Variants in USH2A observed in about 807,000 individuals in gnomAD.
The protein encoded by USH2A is usherin.
A neutral mutation model predicts 538.9 loss-of-function variants in USH2A; 443 were observed. That is an observed-to-expected ratio of 0.82 (90% CI 0.76 to 0.89). The LOEUF is 0.89. USH2A is among the 40% of genes least tolerant of loss of function. The pLI, the probability that USH2A is intolerant of heterozygous loss-of-function variation, is 0.00. For synonymous variants in USH2A, 2,413 were observed against 2,273.5 expected (o/e 1.06, Z -1.75); for missense variants, 6,633 against 6,324.8 (o/e 1.05, Z -1.65).
intron 3 of USH2A, among the ~76,000 whole-genome samples, chr1:216,381,253 G>C (rs2038917414): frequency 6.6e-6 from 1 of 152,024 alleles, no homozygotes; most frequent in South Asian, 2.1e-4. Flanking sequence ...AAACCACAAA[G>C]TACATGATTT....
chr1:215,962,703 T>C (rs1667232871), intron 37 of USH2A, among the ~76,000 whole-genome samples: 2 of 152,088 alleles, frequency 1.3e-5, no homozygotes, highest in Admixed American at 1.3e-4. Flanking sequence ...TCTAGAAGGA[T>C]ATAAGAAGCT....
At chr1:215,963,632 T>C (rs534631440) in intron 37 of USH2A, among the ~76,000 whole-genome samples, 65 of 152,268 alleles carry the variant, frequency 4.3e-4, no homozygotes, top group African/African-American at 1.5e-3. Context: ...CTGGTTTTCG[T>C]TGCTGAAGAA....
intron 61 of USH2A, among the ~76,000 whole-genome samples, chr1:215,718,538 A>T (rs1659552641): frequency 6.6e-6 from 1 of 152,190 alleles, no homozygotes; most frequent in African/African-American, 2.4e-5. Flanking sequence ...GATCACAGCT[A>T]ACCTCTTGCT....
At chr1:216,030,256 T>G (rs1412095123) in intron 32 of USH2A, among the ~76,000 whole-genome samples, 1 of 138,652 alleles carries the variant, frequency 7.2e-6, no homozygotes, top group Non-Finnish European at 1.5e-5. Context: ...ATATATAATA[T>G]ATATGATATA....
chr1:215,951,178 C>A (rs1666903964), intron 37 of USH2A, among the ~76,000 whole-genome samples: 1 of 152,122 alleles, frequency 6.6e-6, no homozygotes, highest in South Asian at 2.1e-4. Context: ...CCTGCTTTCT[C>A]TTGTGGGCAT....
chr1:215,821,566 A>G (rs1281484474), intron 47 of USH2A, among the ~76,000 whole-genome samples: 2 of 151,688 alleles, frequency 1.3e-5, no homozygotes, highest in Non-Finnish European at 3.0e-5. Context: ...TGGCATGTCT[A>G]TTCACTTTGT....
At chr1:215,643,766 G>T (rs1054535444) in intron 67 of USH2A, among the ~76,000 whole-genome samples, 2 of 152,050 alleles carry the variant, frequency 1.3e-5, no homozygotes, top group African/African-American at 4.8e-5. Flanking sequence ...TTAGCCTCAA[G>T]CAATCCTCCC....
At chr1:215,825,201 C>G (rs1425952276) in intron 47 of USH2A, among the ~76,000 whole-genome samples, 1 of 152,128 alleles carries the variant, frequency 6.6e-6, no homozygotes, top group Non-Finnish European at 1.5e-5. Flanking sequence ...GTGCCACCCC[C>G]ACAGTTGTCA....
At chr1:216,140,580 G>GT (rs2033583647) in intron 21 of USH2A, among the ~76,000 whole-genome samples, 1 of 152,112 alleles carries the variant, frequency 6.6e-6, no homozygotes, top group African/African-American at 2.4e-5. Flanking sequence ...CATGTTTTGA[G>GT]TTCTGAGATA....
At position 216,400,216 on chromosome 1, in the gene USH2A, T is replaced by TTATA. The variant is rs71161422; in HGVS notation, c.651+18294_651+18297dup. Among the ~76,000 whole-genome samples, 896 of 147,290 alleles carry TTATA rather than the reference T, an allele frequency of 6.1e-3. 11 individuals carry two copies. The highest frequency in any genetic ancestry group is 0.018 in the Admixed American group (272 of 14,776). ...AGAAACCCCAGCATAGAAATAGAAGTTATATATATATATATATATATAAAA... is the reference window on the plus strand; with the variant it reads ...AGAAACCCCAGCATAGAAATAGAAGTTATATATATATATATATATATATATAAAA... On this transcript the variant is annotated intron_variant, in intron 3 of 71. Transcript: ENST00000307340.
intron 21 of USH2A, among the ~76,000 whole-genome samples, chr1:216,133,271 T>C (rs975481163): frequency 3.3e-5 from 5 of 152,098 alleles, no homozygotes; most frequent in Admixed American, 2.6e-4. Flanking sequence ...TTTTTAGGCC[T>C]CTGTTCCAGG....
Position 216,292,174 on chromosome 1 carries a change from C to A in USH2A, c.1840+1G>T. On this transcript the variant is annotated splice_donor_variant, in intron 10 of 71. Coordinates refer to ENST00000307340, the MANE Select transcript of USH2A (RefSeq NM_206933.4). LOFTEE classifies it high-confidence loss of function. ...AACTCAGGAATTTATTTGCTACTTA[C>A]CTGTAGTGTTATGCTCACAATCATC... 6.2e-7 allele frequency: 1 copy of A among 1,613,936 alleles called. No individual in the cohort carries two copies. The highest frequency in any genetic ancestry group is 8.5e-7 in the Non-Finnish European group (1 of 1,179,896).
At chr1:216,150,111 A>G (rs962780363) in intron 21 of USH2A, among the ~76,000 whole-genome samples, 1 of 152,068 alleles carries the variant, frequency 6.6e-6, no homozygotes, top group East Asian at 1.9e-4. Flanking sequence ...CCGAGCCCCA[A>G]AAAACTAGTC....
chr1:216,066,713 G>C (rs2031387154), intron 30 of USH2A, among the ~76,000 whole-genome samples: 1 of 152,116 alleles, frequency 6.6e-6, no homozygotes, highest in Non-Finnish European at 1.5e-5. Context: ...GCAAACAGAG[G>C]TTTATTGATT....
Position 215,989,926 on chromosome 1 carries a change from T to C in USH2A, c.6805+3094A>G, listed in dbSNP as rs1558197760. On this transcript the variant is annotated intron_variant, in intron 35 of 71. Transcript: ENST00000307340. ...TGATAACCGAGGCAGTGGAAGATTC[T>C]GATTATTTAGGAGGTCTGTGGTGGA... Among the ~76,000 whole-genome samples, 3 of 152,192 alleles carry C rather than the reference T, an allele frequency of 2.0e-5. No individual in the cohort carries two copies. The South Asian group carries it at 6.2e-4, about 32-fold the overall frequency.
chr1:215,888,713 G>A lies in USH2A; in HGVS notation c.7936C>T (p.Pro2646Ser), dbSNP rs760777446. Residue 2646 changes from proline (P) to serine (S), a missense_variant, in exon 41 of 72, where the codon CCC becomes TCC. Physicochemically the swap from Pro to Ser is moderately conservative, Grantham distance 74 (BLOSUM62 -1). Transcript: ENST00000307340. ...TPTSVIISWQ[P>S]PTHPNGLVEN... Reference sequence around the variant, plus strand: ...ACCAAGCCATTGGGGTGGGTAGGGGGTTGCCAAGATATAATCACAGATGTT... The same window carrying A: ...ACCAAGCCATTGGGGTGGGTAGGGGATTGCCAAGATATAATCACAGATGTT... The A allele has an allele frequency of 6.2e-7, 1 of 1,614,152 alleles. No homozygotes were observed. Among genetic ancestry groups the A allele is most frequent in the Non-Finnish European group, 8.5e-7 (1 of 1,180,020 alleles).
chr1:216,256,166 TG>T (rs2036255303), intron 11 of USH2A, among the ~76,000 whole-genome samples: 1 of 152,042 alleles, frequency 6.6e-6, no homozygotes, highest in African/African-American at 2.4e-5. Flanking sequence ...ATAGTTAAGT[TG>T]TACTTTTTCC....
Position 215,674,473 on chromosome 1 carries a change from T to A in USH2A, c.13438A>T (p.Arg4480Trp). ...PNGQIRSYEL[R>W]RDGTIVYTGL... is the part of the protein sequence containing the mutation. Reference sequence around the variant, plus strand: ...GTATATACAATGGTTCCATCCCTCCTAAGTTCATAACTTCTGATCTGGCCA... The same window carrying A: ...GTATATACAATGGTTCCATCCCTCCAAAGTTCATAACTTCTGATCTGGCCA... The change falls in exon 63 of 72, where the codon AGG becomes TGG. Residue 4480 changes from arginine (R) to tryptophan (W), a missense_variant. Physicochemically the swap from Arg to Trp is moderately radical, Grantham distance 101. Coordinates refer to ENST00000307340, the MANE Select transcript of USH2A (RefSeq NM_206933.4). 6.2e-7 allele frequency: 1 copy of A among 1,614,202 alleles called. No individual in the cohort carries two copies. Among genetic ancestry groups the A allele is most frequent in the Non-Finnish European group, 8.5e-7 (1 of 1,180,024 alleles).
chr1:215,789,113 A>G (rs1661899894), intron 51 of USH2A, among the ~76,000 whole-genome samples: 1 of 152,188 alleles, frequency 6.6e-6, no homozygotes, highest in South Asian at 2.1e-4. Flanking sequence ...AACAAAATGA[A>G]ACCTACAGAC....
Sources: allele counts gnomAD v4.1 joint callset (sites outside exome capture counted in the v4.1 genomes callset), GRCh38; gene constraint gnomAD v4.1.1; transcripts MANE v1.5; gene names NCBI Gene and HGNC (gene_info 2026-07-23, HGNC 2026-07-21).